The following CSMD1 variants were observed in gnomAD, a reference collection of about 807,000 sequenced individuals.
The protein encoded by CSMD1 is CUB and sushi domain-containing protein 1.
CSMD1 carries 213 observed loss-of-function variants against 417.5 expected under a neutral mutation model. That is an observed-to-expected ratio of 0.51 (90% CI 0.46 to 0.57). The LOEUF is 0.57. CSMD1 is among the 20% of genes least tolerant of loss of function. The pLI, the probability that CSMD1 is intolerant of heterozygous loss-of-function variation, is 0.00. For missense variants in CSMD1, 6,923 were observed against 4,529.7 expected, an observed-to-expected ratio of 1.53 and a Z score of -15.17; for synonymous variants, 2,862 against 1,736.8, an observed-to-expected ratio of 1.65 and a Z score of -16.11.
intron 3 of CSMD1, among the ~76,000 whole-genome samples, chr8:4,325,243 C>T (rs140556643): frequency 2.1e-4 from 32 of 152,224 alleles, no homozygotes; most frequent in African/African-American, 6.3e-4. Flanking sequence ...CAGGAATGTG[C>T]GACTTTCAAG....
chr8:4,136,370 G>C (rs182453876), intron 3 of CSMD1, among the ~76,000 whole-genome samples: 1 of 152,210 alleles, frequency 6.6e-6, no homozygotes, highest in East Asian at 1.9e-4. Flanking sequence ...CACAAATGAA[G>C]CTGCCTGCCT....
At chr8:4,842,519 G>C (rs1800903086) in intron 1 of CSMD1, among the ~76,000 whole-genome samples, 2 of 152,164 alleles carry the variant, frequency 1.3e-5, no homozygotes, top group African/African-American at 4.8e-5. Flanking sequence ...AAAAAATGTA[G>C]CAAGTGTTCA....
intron 26 of CSMD1, among the ~76,000 whole-genome samples, chr8:3,250,137 C>T (rs1211617487): frequency 6.6e-6 from 1 of 152,104 alleles, no homozygotes; most frequent in Non-Finnish European, 1.5e-5. Flanking sequence ...ATACATGTGC[C>T]GTGTTGGTGT....
At chr8:4,667,841 T>C (rs989949083) in intron 1 of CSMD1, among the ~76,000 whole-genome samples, 1 of 152,096 alleles carries the variant, frequency 6.6e-6, no homozygotes, top group Non-Finnish European at 1.5e-5. Flanking sequence ...TTGTAAACCT[T>C]TTATAGCTTT....
intron 62 of CSMD1, among the ~76,000 whole-genome samples, chr8:2,958,618 A>C (rs749747402): frequency 6.6e-6 from 1 of 152,220 alleles, no homozygotes; most frequent in African/African-American, 2.4e-5. Flanking sequence ...GTGTATCTGC[A>C]GCATGAGGCC....
chr8:4,009,314 G>T (rs142654418), intron 4 of CSMD1, among the ~76,000 whole-genome samples: 1 of 151,990 alleles, frequency 6.6e-6, no homozygotes, highest in Non-Finnish European at 1.5e-5. Flanking sequence ...CCCTTTTGTG[G>T]GTATAAAACT....
At chr8:3,287,004 G>T (rs201187176) in intron 25 of CSMD1, among the ~76,000 whole-genome samples, 1 of 151,984 alleles carries the variant, frequency 6.6e-6, no homozygotes, top group East Asian at 1.9e-4. Context: ...TTTTGTATAA[G>T]GTGTAAGGAA....
rs1377015826 is a variant in CSMD1, at chr8:4,885,553, G to A, written c.85+108779C>T. On this transcript the variant is annotated intron_variant, in intron 1 of 69. Coordinates refer to ENST00000635120, the MANE Select transcript of CSMD1 (RefSeq NM_033225.6). Reference sequence around the variant, plus strand: ...TTATTATGAGGAGGTGTTGGATTTTGTCAAATGCTTTTTCTGCATTACTGA... The same window carrying A: ...TTATTATGAGGAGGTGTTGGATTTTATCAAATGCTTTTTCTGCATTACTGA... 2.0e-5 allele frequency among the ~76,000 whole-genome samples: 3 copies of A among 152,044 alleles called. No individual in the cohort carries two copies. The South Asian group carries it at 6.2e-4, about 32-fold the overall frequency.
chr8:3,720,303 A>C (rs1214568073), intron 6 of CSMD1, among the ~76,000 whole-genome samples: 1 of 152,144 alleles, frequency 6.6e-6, no homozygotes, highest in Non-Finnish European at 1.5e-5. Context: ...CAGAAGAAAA[A>C]AGAAAGGGGA....
At chr8:4,374,027 A>T (rs370608701) in intron 3 of CSMD1, among the ~76,000 whole-genome samples, 13 of 152,238 alleles carry the variant, frequency 8.5e-5, no homozygotes, top group East Asian at 7.7e-4. Context: ...CAGAATTCTC[A>T]GTAAAAATAC....
chr8:3,492,303 C>G (rs1231217715), intron 11 of CSMD1, among the ~76,000 whole-genome samples: 4 of 152,138 alleles, frequency 2.6e-5, no homozygotes. Context: ...GGAGACTTTT[C>G]TCCTCAGAAG....
intron 1 of CSMD1, among the ~76,000 whole-genome samples, chr8:4,713,855 G>T (rs1563200589): frequency 6.6e-6 from 1 of 152,162 alleles, no homozygotes; most frequent in Non-Finnish European, 1.5e-5. Flanking sequence ...ATCTTTTGAA[G>T]ATGGGCAGAA....
intron 4 of CSMD1, among the ~76,000 whole-genome samples, chr8:4,002,142 A>T (rs1312976523): frequency 6.6e-6 from 1 of 152,162 alleles, no homozygotes; most frequent in South Asian, 2.1e-4. Flanking sequence ...CATGGGATAA[A>T]ATGCTTAAAT....
intron 8 of CSMD1, 122 bp downstream of exon 8, chr8:3,616,588 T>C: frequency 1.5e-6 from 1 of 653,822 alleles, no homozygotes; most frequent in Non-Finnish European, 2.6e-6. Flanking sequence ...ACATTTAGAG[T>C]TAATGATTAA....
chr8:4,194,687 C>A (rs1468662152), intron 3 of CSMD1, among the ~76,000 whole-genome samples: 1 of 152,104 alleles, frequency 6.6e-6, no homozygotes, highest in Non-Finnish European at 1.5e-5. Context: ...AAGGATCATA[C>A]AACACAAAGC....
intron 26 of CSMD1, among the ~76,000 whole-genome samples, chr8:3,253,941 C>T (rs941571513): frequency 2.6e-5 from 4 of 152,138 alleles, no homozygotes; most frequent in Admixed American, 6.5e-5. Flanking sequence ...TTATTTTGCT[C>T]ATTAGTTGAT....
chr8:4,087,966 G>C (rs986529073), intron 3 of CSMD1, among the ~76,000 whole-genome samples: 6 of 152,074 alleles, frequency 3.9e-5, no homozygotes, highest in Admixed American at 1.3e-4. Context: ...TGGTATCCAA[G>C]AGAAAAGCTC....
chr8:4,810,475 C>A (rs1190695080), intron 1 of CSMD1, among the ~76,000 whole-genome samples: 1 of 152,068 alleles, frequency 6.6e-6, no homozygotes, highest in African/African-American at 2.4e-5. Flanking sequence ...CCACCCGAGT[C>A]ATGTTTGATG....
In CSMD1 at chr8:4,417,223, A is replaced by G. The variant is rs75298027; in HGVS notation, c.415+2730T>C. Among the ~76,000 whole-genome samples, 884 of 152,182 alleles carry G rather than the reference A, an allele frequency of 5.8e-3. 32 individuals carry two copies. The East Asian group carries it at 0.091, about 16-fold the overall frequency. On this transcript the variant is annotated intron_variant, in intron 3 of 69. Transcript: ENST00000635120. Reference sequence around the variant, plus strand: ...TTATCAGTGTTCCCACTGGATTTCCAGAGTTAAATTCAATGACTGAACACG... The same window carrying G: ...TTATCAGTGTTCCCACTGGATTTCCGGAGTTAAATTCAATGACTGAACACG...
Sources: gnomAD v4.1 joint callset for allele counts (sites outside exome capture counted in the v4.1 genomes callset) on GRCh38, gnomAD v4.1.1 for gene constraint, MANE v1.5 for transcripts, NCBI Gene and HGNC (gene_info 2026-07-23, HGNC 2026-07-21) for gene names.